The following ATP8A2 variants were observed in gnomAD, a reference collection of about 807,000 sequenced individuals.
ATP8A2 encodes phospholipid-transporting ATPase IB.
ATP8A2 carries 100 observed loss-of-function variants against 165.6 expected under a neutral mutation model. The ratio of observed to expected loss-of-function variants is 0.60; its 90% CI spans 0.51 to 0.71. ATP8A2 has a LOEUF of 0.71. Among genes scored for constraint, ATP8A2 ranks in the 30% least tolerant of loss-of-function variants. The probability of loss-of-function intolerance (pLI) is 0.00; values close to 1 mark genes in which losing one functional copy is unlikely to be tolerated. For missense variants in ATP8A2, 1,227 were observed against 1,479.5 expected (o/e 0.83, Z 2.80); for synonymous variants, 543 against 548.8 (o/e 0.99, Z 0.15).
At chr13:25,471,103 T>A (rs1307401810) in intron 2 of ATP8A2, among the ~76,000 whole-genome samples, 1 of 152,198 alleles carries the variant, frequency 6.6e-6, no homozygotes, top group Non-Finnish European at 1.5e-5. Context: ...CTTTACACCT[T>A]CTCGCATGTG....
rs570632975 is a variant in ATP8A2 at position 25,691,427 on chromosome 13, G to A, written c.2212-7746G>A. 4.6e-5 allele frequency among the ~76,000 whole-genome samples: 7 copies of A among 152,332 alleles called. No homozygotes were observed. The South Asian group carries it at 1.2e-3, about 27-fold the overall frequency. On this transcript the variant is annotated intron_variant, in intron 24 of 36. Transcript: ENST00000381655. ...TGAATGTGTGAATTCAATAAATTGGGTTGGCTTATTCTGAGAAGGATAAAA... is the reference window on the plus strand; with the variant it reads ...TGAATGTGTGAATTCAATAAATTGGATTGGCTTATTCTGAGAAGGATAAAA...
intron 1 of ATP8A2, among the ~76,000 whole-genome samples, chr13:25,457,739 G>A (rs1473927923): frequency 6.6e-6 from 1 of 152,172 alleles, no homozygotes; most frequent in East Asian, 1.9e-4. Context: ...CATCTCTTTG[G>A]CAGTGCTCTT....
intron 33 of ATP8A2, among the ~76,000 whole-genome samples, chr13:25,921,804 T>C (rs751323309): frequency 6.6e-6 from 1 of 152,218 alleles, no homozygotes; most frequent in Non-Finnish European, 1.5e-5. Context: ...AAGTATAGTT[T>C]ATGGTATTTA....
chr13:25,426,866 A>C (rs756572696), intron 1 of ATP8A2, among the ~76,000 whole-genome samples: 65 of 152,156 alleles, frequency 4.3e-4, no homozygotes, highest in Admixed American at 7.9e-4. Context: ...GAATCGACTG[A>C]ATCTGGGAGG....
chr13:25,441,308 A>G (rs1294753960), intron 1 of ATP8A2, among the ~76,000 whole-genome samples: 1 of 152,240 alleles, frequency 6.6e-6, no homozygotes, highest in Non-Finnish European at 1.5e-5. Flanking sequence ...TGAAAATTCT[A>G]GTTAGGAGAA....
intron 25 of ATP8A2, among the ~76,000 whole-genome samples, chr13:25,700,586 ATG>A (rs375967411): frequency 2.5e-4 from 37 of 147,720 alleles, no homozygotes; most frequent in African/African-American, 9.9e-4. Context: ...GATGTAACAC[ATG>A]TTTATCCATT....
intron 27 of ATP8A2, among the ~76,000 whole-genome samples, chr13:25,827,308 C>T (rs900925160): frequency 6.6e-6 from 1 of 152,148 alleles, no homozygotes; most frequent in African/African-American, 2.4e-5. Flanking sequence ...GATGGGGTTT[C>T]ACCACGTTGG....
intron 2 of ATP8A2, among the ~76,000 whole-genome samples, chr13:25,474,947 G>C (rs1260415484): frequency 2.0e-5 from 3 of 151,996 alleles, no homozygotes; most frequent in Admixed American, 1.3e-4. Context: ...AGCCTCCTGA[G>C]TAGCTAGGAT....
intron 24 of ATP8A2, among the ~76,000 whole-genome samples, chr13:25,676,505 T>G (rs2042375373): frequency 6.6e-6 from 1 of 152,080 alleles, no homozygotes; most frequent in Non-Finnish European, 1.5e-5. Context: ...CTCAGGACAT[T>G]GCAGCCCTTG....
intron 24 of ATP8A2, among the ~76,000 whole-genome samples, chr13:25,655,725 CTTT>C: frequency 6.9e-6 from 1 of 145,498 alleles, no homozygotes; most frequent in Non-Finnish European, 1.5e-5. Flanking sequence ...AACTAAATCT[CTTT>C]AAAAAAAAAA....
At chr13:25,523,699 C>T (rs2037743612) in intron 2 of ATP8A2, among the ~76,000 whole-genome samples, 1 of 151,896 alleles carries the variant, frequency 6.6e-6, no homozygotes, top group Admixed American at 6.6e-5. Flanking sequence ...GTGTGTATTT[C>T]TGTGGTCTCA....
At chr13:25,745,741 G>C (rs1382519061) in intron 25 of ATP8A2, among the ~76,000 whole-genome samples, 2 of 152,184 alleles carry the variant, frequency 1.3e-5, no homozygotes, top group Non-Finnish European at 2.9e-5. Context: ...TAAAGGCCAG[G>C]ATTGGTTTCT....
intron 24 of ATP8A2, among the ~76,000 whole-genome samples, chr13:25,664,090 T>A (rs2042103662): frequency 6.6e-6 from 1 of 152,062 alleles, no homozygotes; most frequent in Non-Finnish European, 1.5e-5. Context: ...GCGCCTGTAA[T>A]CCCAGCTCCT....
chr13:25,859,288 T>C (rs1438936426), intron 30 of ATP8A2, among the ~76,000 whole-genome samples: 1 of 152,060 alleles, frequency 6.6e-6, no homozygotes, highest in Non-Finnish European at 1.5e-5. Flanking sequence ...GTCAGAGTCA[T>C]TTGTACTCCA....
In ATP8A2 at chr13:25,509,502, TTATAG is replaced by T. The variant is rs2037153482; in HGVS notation, c.222-20493_222-20489del. On this transcript the variant is annotated intron_variant, in intron 2 of 36. Coordinates refer to ENST00000381655, the MANE Select transcript of ATP8A2 (RefSeq NM_016529.6). ...GTATTATGGACTATTAATATTAATA[TTATAG>T]TATTTAATAAAAATAGTATGTTTTC... Among the ~76,000 whole-genome samples, 3 of 152,034 alleles carry T rather than the reference TTATAG, an allele frequency of 2.0e-5. No individual in the cohort carries two copies. In the South Asian group the frequency reaches 6.2e-4, roughly 31 times the overall value.
chr13:25,673,580 A>G (rs1334322488), intron 24 of ATP8A2, among the ~76,000 whole-genome samples: 1 of 152,198 alleles, frequency 6.6e-6, no homozygotes, highest in African/African-American at 2.4e-5. Context: ...ACAAATTGGC[A>G]TTTATTGCTC....
intron 25 of ATP8A2, among the ~76,000 whole-genome samples, chr13:25,714,320 G>A (rs2043212025): frequency 6.6e-6 from 1 of 152,028 alleles, no homozygotes; most frequent in Non-Finnish European, 1.5e-5. Flanking sequence ...ACAGGATTTT[G>A]CCCCACTGAC....
intron 1 of ATP8A2, among the ~76,000 whole-genome samples, chr13:25,463,705 A>T (rs751111244): frequency 1.3e-5 from 2 of 152,214 alleles, no homozygotes; most frequent in Non-Finnish European, 2.9e-5. Flanking sequence ...AACATGACCA[A>T]TCATGTGGTT....
At chr13:25,829,429 G>T (rs1197674188) in intron 28 of ATP8A2, among the ~76,000 whole-genome samples, 1 of 151,834 alleles carries the variant, frequency 6.6e-6, no homozygotes, top group Non-Finnish European at 1.5e-5. Context: ...CCTCCCCTTT[G>T]TGTACTAAGG....
Sources: allele counts gnomAD v4.1 joint callset (sites outside exome capture counted in the v4.1 genomes callset), GRCh38; gene constraint gnomAD v4.1.1; transcripts MANE v1.5; gene names NCBI Gene and HGNC (gene_info 2026-07-23, HGNC 2026-07-21).